Variants in ITPR1 observed in about 807,000 individuals in gnomAD.
ITPR1 encodes inositol 1,4,5-trisphosphate-gated calcium channel ITPR1.
Under a neutral mutation model 318.4 loss-of-function variants are expected in ITPR1, and 96 were observed. The ratio of observed to expected loss-of-function variants is 0.30; its 90% CI spans 0.26 to 0.36. The LOEUF (loss-of-function observed/expected upper bound fraction) is 0.36, where lower values mean the gene tolerates loss of function less well. Among genes scored for constraint, ITPR1 ranks in the 10% least tolerant of loss-of-function variants. ITPR1 has a pLI of 1.00. For synonymous variants in ITPR1, 1,312 were observed against 1,289.9 expected, an observed-to-expected ratio of 1.02 and a Z score of -0.37; for missense variants, 2,440 against 3,460.2, an observed-to-expected ratio of 0.71 and a Z score of 7.40.
Position 4,699,801 on chromosome 3 carries a change from C to T in ITPR1, c.4408-12C>T, listed in dbSNP as rs953855310. 2.5e-6 allele frequency: 4 copies of T among 1,613,200 alleles called. No individual in the cohort carries two copies. In the African/African-American group the frequency reaches 4.0e-5, roughly 16 times the overall value. ...TTTGGTGTAATGCTTAACATACCCA[C>T]TTGTCTTCCAGGCCTGTAACAACAC... On this transcript the variant is annotated splice_polypyrimidine_tract_variant and intron_variant, in intron 34 of 61. Transcript: ENST00000649015.
chr3:4,739,283 G>A (rs550010926), intron 44 of ITPR1, among the ~76,000 whole-genome samples: 1 of 152,302 alleles, frequency 6.6e-6, no homozygotes, highest in South Asian at 2.1e-4. Context: ...GACATGGTGG[G>A]TTCTTGCCGG....
intron 4 of ITPR1, among the ~76,000 whole-genome samples, chr3:4,550,985 A>G (rs901650051): frequency 3.3e-5 from 5 of 152,190 alleles, no homozygotes; most frequent in African/African-American, 1.2e-4. Flanking sequence ...AGGACTGAGA[A>G]TAGAATAGTG....
chr3:4,664,132 T>G (rs2093895979), intron 16 of ITPR1, among the ~76,000 whole-genome samples: 1 of 152,188 alleles, frequency 6.6e-6, no homozygotes, highest in African/African-American at 2.4e-5. Flanking sequence ...TTTCATACAT[T>G]TGGGAGATTT....
intron 60 of ITPR1, among the ~76,000 whole-genome samples, chr3:4,835,444 C>T (rs1030296966): frequency 2.0e-4 from 30 of 152,122 alleles, no homozygotes; most frequent in African/African-American, 6.0e-4. Context: ...GGGGGTATAA[C>T]GGAGTAGCTG....
chr3:4,776,452 CAG>C (rs2046492413), intron 47 of ITPR1, among the ~76,000 whole-genome samples: 1 of 152,178 alleles, frequency 6.6e-6, no homozygotes, highest in African/African-American at 2.4e-5. Flanking sequence ...GTGCTAAACC[CAG>C]CAGCCAGGGA....
intron 4 of ITPR1, among the ~76,000 whole-genome samples, chr3:4,579,284 G>A (rs986564793): frequency 6.6e-6 from 1 of 152,184 alleles, no homozygotes. Flanking sequence ...GTAGCAATAC[G>A]ATTGAGCATT....
At chr3:4,706,871 T>A (rs965118150) in intron 37 of ITPR1, among the ~76,000 whole-genome samples, 1 of 152,204 alleles carries the variant, frequency 6.6e-6, no homozygotes, top group African/African-American at 2.4e-5. Context: ...GTAGTGAGTA[T>A]TAGATGTTAA....
intron 44 of ITPR1, among the ~76,000 whole-genome samples, chr3:4,754,595 C>T (rs1017976992): frequency 4.6e-5 from 7 of 152,220 alleles, no homozygotes; most frequent in Non-Finnish European, 7.3e-5. Flanking sequence ...ACATGCAGTT[C>T]ACATTGTTCA....
chr3:4,639,362 A>G, intron 5 of ITPR1, 22 bp from the exon 6 acceptor site: 1 of 1,534,716 alleles, frequency 6.5e-7, no homozygotes, highest in African/African-American at 1.4e-5. Flanking sequence ...CTTTGTGATC[A>G]ATCTTTCTTC....
intron 5 of ITPR1, among the ~76,000 whole-genome samples, chr3:4,631,828 C>T (rs2093024394): frequency 6.6e-6 from 1 of 152,024 alleles, no homozygotes; most frequent in South Asian, 2.1e-4. Flanking sequence ...ACAGATACCC[C>T]CAGGCTGGAA....
chr3:4,687,538 C>T (rs569597609), intron 30 of ITPR1, among the ~76,000 whole-genome samples: 1 of 152,106 alleles, frequency 6.6e-6, no homozygotes, highest in South Asian at 2.1e-4. Context: ...TCTCTTGCCT[C>T]TGAAATGAGG....
At position 4,711,739 on chromosome 3, in the gene ITPR1, G is replaced by A. The variant is rs1469712726; in HGVS notation, c.4992-18G>A. On this transcript the variant is annotated intron_variant, in intron 38 of 61. Coordinates refer to ENST00000649015, the MANE Select transcript of ITPR1 (RefSeq NM_001378452.1). ...AATTAGCTTCAAGGAAGTAATCCGT[G>A]GTTTTCCCCCCATTCAGGTTAATAA... 7.4e-7 allele frequency: 1 copy of A among 1,345,146 alleles called. No individual in the cohort carries two copies. Among genetic ancestry groups the A allele is most frequent in the East Asian group, 2.5e-5 (1 of 39,942 alleles). The allele number at this position is 1,345,146 out of a possible 1,614,324, so 83.3% of individuals were successfully genotyped here. A position where few individuals can be genotyped will look rare whatever the true frequency, so the allele number is the denominator to read the frequency against.
rs201029025 is a variant in ITPR1, at chr3:4,836,735, CTTTTTTTTTTTT to C, written c.8029-26_8029-15del. ...TTTTTACCTCTAGAAGTGACTCAGT[CTTTTTTTTTTTT>C]TTTTTTTTTTTTAATGTGGATTCTA... is the stretch of plus-strand genomic sequence containing the variant. On this transcript the variant is annotated intron_variant, in intron 60 of 61. Transcript: ENST00000649015. 10,678 of 1,064,982 alleles carry C rather than the reference CTTTTTTTTTTTT, an allele frequency of 0.01. 2 individuals are homozygous for C. Among genetic ancestry groups the C allele is most frequent in the South Asian group, 0.026 (894 of 33,988 alleles). The allele number at this position is 1,064,982 out of a possible 1,614,324, so 66.0% of individuals were successfully genotyped here.
intron 60 of ITPR1, among the ~76,000 whole-genome samples, chr3:4,827,388 A>G (rs1009884563): frequency 4.6e-5 from 7 of 152,202 alleles, no homozygotes; most frequent in Non-Finnish European, 8.8e-5. Flanking sequence ...AACTGCTCTC[A>G]CCTGGAAAAT....
intron 40 of ITPR1, among the ~76,000 whole-genome samples, chr3:4,722,107 A>C (rs576757565): frequency 6.6e-6 from 1 of 152,346 alleles, no homozygotes; most frequent in East Asian, 1.9e-4. Flanking sequence ...AGGACACTTA[A>C]GATTCAGTGA....
intron 42 of ITPR1, among the ~76,000 whole-genome samples, 178 bp downstream of exon 42, chr3:4,727,351 T>C (rs2042590321): frequency 1.3e-5 from 2 of 152,228 alleles, no homozygotes; most frequent in African/African-American, 4.8e-5. Flanking sequence ...TTCTGCCCAT[T>C]GTCTACCTGA....
chr3:4,599,083 G>A (rs1204643056), intron 4 of ITPR1, among the ~76,000 whole-genome samples: 1 of 151,604 alleles, frequency 6.6e-6, no homozygotes, highest in Non-Finnish European at 1.5e-5. Context: ...CTCACTTGGA[G>A]ACTAATATTG....
chr3:4,603,071 C>T (rs528458141), intron 4 of ITPR1, among the ~76,000 whole-genome samples: 1 of 152,044 alleles, frequency 6.6e-6, no homozygotes, highest in South Asian at 2.1e-4. Context: ...GATGAAACAA[C>T]AGGCATCAAA....
chr3:4,651,754 CAT>C (rs1575911340), intron 10 of ITPR1, among the ~76,000 whole-genome samples: 1 of 152,314 alleles, frequency 6.6e-6, no homozygotes, highest in South Asian at 2.1e-4. Flanking sequence ...TGTTCTAGCA[CAT>C]GAGTACATGC....
Sources: gnomAD v4.1 joint callset for allele counts (sites outside exome capture counted in the v4.1 genomes callset) on GRCh38, gnomAD v4.1.1 for gene constraint, MANE v1.5 for transcripts, NCBI Gene and HGNC (gene_info 2026-07-23, HGNC 2026-07-21) for gene names.